Variants in LARP1B observed in about 807,000 individuals in gnomAD.
The protein encoded by LARP1B is la-related protein 1B.
LARP1B carries 76 observed loss-of-function variants against 114.2 expected under a neutral mutation model. The ratio of observed to expected loss-of-function variants is 0.67; its 90% CI spans 0.55 to 0.81. LARP1B has a LOEUF of 0.81. Ranked by LOEUF, LARP1B falls within the 30% of genes least tolerant of loss-of-function variation. LARP1B has a pLI of 0.00. For missense variants in LARP1B, 1,014 were observed against 1,075.8 expected (o/e 0.94, Z 0.80); for synonymous variants, 345 against 348.0 (o/e 0.99, Z 0.10).
chr4:128,157,524 A>C (rs1228485381), intron 11 of LARP1B, among the ~76,000 whole-genome samples: 1 of 152,174 alleles, frequency 6.6e-6, no homozygotes, highest in Non-Finnish European at 1.5e-5. Context: ...AAGAAGATAA[A>C]TACAGAGAAA....
intron 17 of LARP1B, among the ~76,000 whole-genome samples, chr4:128,201,829 G>A (rs186090063): frequency 6.0e-4 from 92 of 152,220 alleles, no homozygotes; most frequent in Admixed American, 2.7e-3. Flanking sequence ...AACAAGAGAT[G>A]GAGAGAAGGG....
intron 11 of LARP1B, chr4:128,155,629 GGA>G: frequency 1.5e-6 from 2 of 1,339,442 alleles, no homozygotes; most frequent in Non-Finnish European, 2.1e-6. Flanking sequence ...ACCCCAGCCA[GGA>G]GCCATCCGGG....
At chr4:128,098,044 G>T in intron 7 of LARP1B, 142 bp from the exon 8 acceptor site, 1 of 581,276 alleles carries the variant, frequency 1.7e-6, no homozygotes. Context: ...TACCCTATCT[G>T]TGTTGTATTA....
At chr4:128,108,009 A>G in intron 9 of LARP1B, 1 of 1,526,306 alleles carries the variant, frequency 6.6e-7, no homozygotes, top group Non-Finnish European at 8.7e-7. Flanking sequence ...AAGCGATCAG[A>G]CTGTCTTCTG....
chr4:128,106,101 G>A (rs928996020), intron 8 of LARP1B, among the ~76,000 whole-genome samples: 2 of 151,074 alleles, frequency 1.3e-5, no homozygotes, highest in African/African-American at 4.9e-5. Context: ...TCGGCTCACT[G>A]CAACCTCCAG....
At chr4:128,142,435 A>C (rs966109133) in intron 11 of LARP1B, among the ~76,000 whole-genome samples, 1 of 152,166 alleles carries the variant, frequency 6.6e-6, no homozygotes, top group East Asian at 1.9e-4. Flanking sequence ...AAACTGTGCC[A>C]TCAAAGTACA....
intron 11 of LARP1B, among the ~76,000 whole-genome samples, chr4:128,157,650 G>A (rs1295302742): frequency 6.6e-6 from 1 of 152,044 alleles, no homozygotes; most frequent in Non-Finnish European, 1.5e-5. Context: ...TGGAGGTGAG[G>A]GAACAAAGGG....
In LARP1B at chr4:128,135,065, G is replaced by C. The variant is rs1016669470; in HGVS notation, c.1524+12877G>C. On this transcript the variant is annotated intron_variant, in intron 11 of 19. Coordinates refer to ENST00000326639, the MANE Select transcript of LARP1B (RefSeq NM_018078.4). Reference sequence around the variant, plus strand: ...TGTGGTGAGCTGAGATCGCACCACTGCACTCTAGCCTGGGTGACTGAGACT... The same window carrying C: ...TGTGGTGAGCTGAGATCGCACCACTCCACTCTAGCCTGGGTGACTGAGACT... 3.3e-5 allele frequency among the ~76,000 whole-genome samples: 5 copies of C among 151,736 alleles called. No individual in the cohort carries two copies. The East Asian group carries it at 9.7e-4, about 29-fold the overall frequency.
intron 15 of LARP1B, among the ~76,000 whole-genome samples, chr4:128,191,802 C>T (rs531781153): frequency 1.1e-4 from 16 of 152,118 alleles, no homozygotes; most frequent in Admixed American, 9.2e-4. Context: ...TGGGTTGAGG[C>T]AGGAACAGTT....
intron 17 of LARP1B, among the ~76,000 whole-genome samples, chr4:128,201,731 A>G (rs2150902367): frequency 6.6e-6 from 1 of 152,292 alleles, no homozygotes; most frequent in South Asian, 2.1e-4. Flanking sequence ...GAGTGCCTGT[A>G]GGGCTGAGTG....
intron 9 of LARP1B, among the ~76,000 whole-genome samples, chr4:128,112,916 A>G (rs564372889): frequency 1.3e-5 from 2 of 152,274 alleles, no homozygotes; most frequent in South Asian, 4.1e-4. Context: ...AAGCTATCTG[A>G]TTTTACTCTC....
chr4:128,132,279 C>CT (rs1791798964), intron 11 of LARP1B, among the ~76,000 whole-genome samples: 1 of 152,104 alleles, frequency 6.6e-6, no homozygotes, highest in Non-Finnish European at 1.5e-5. Flanking sequence ...GAGTCTTACT[C>CT]TGTCGCCCTG....
At chr4:128,061,816 A>G (rs1218367739) in intron 1 of LARP1B, 1 of 984,576 alleles carries the variant, frequency 1.0e-6, no homozygotes, top group Non-Finnish European at 1.2e-6. Context: ...CCCCGCCCGA[A>G]TGTGAGGGCA....
chr4:128,176,301 AT>A (rs1306057256), intron 12 of LARP1B, among the ~76,000 whole-genome samples: 130 of 103,906 alleles, frequency 1.3e-3, no homozygotes, highest in Admixed American at 2.8e-3. Flanking sequence ...ATATATATAT[AT>A]TTTTTTTTTA....
intron 15 of LARP1B, among the ~76,000 whole-genome samples, chr4:128,197,453 T>C (rs1578634584): frequency 6.6e-6 from 1 of 152,304 alleles, no homozygotes; most frequent in East Asian, 1.9e-4. Flanking sequence ...CCCAGCACTT[T>C]GGGAGGCCGA....
At chr4:128,113,724 T>G (rs1475455353) in intron 9 of LARP1B, among the ~76,000 whole-genome samples, 1 of 152,112 alleles carries the variant, frequency 6.6e-6, no homozygotes, top group Non-Finnish European at 1.5e-5. Flanking sequence ...CCAACAATTT[T>G]TAAATGCTTT....
intron 12 of LARP1B, among the ~76,000 whole-genome samples, chr4:128,176,192 AT>A (rs1226788534): frequency 7.0e-6 from 1 of 143,032 alleles, no homozygotes; most frequent in African/African-American, 2.5e-5. Flanking sequence ...ATATAAATAT[AT>A]TTTTATATAT....
intron 12 of LARP1B, among the ~76,000 whole-genome samples, chr4:128,172,967 G>GTA (rs1381294923): frequency 6.6e-6 from 1 of 151,566 alleles, no homozygotes; most frequent in Non-Finnish European, 1.5e-5. Flanking sequence ...GTGTGTGTGT[G>GTA]TGTGTATGTG....
chr4:128,153,425 T>G (rs1372583532), intron 11 of LARP1B, among the ~76,000 whole-genome samples: 1 of 151,852 alleles, frequency 6.6e-6, no homozygotes, highest in Non-Finnish European at 1.5e-5. Context: ...CAAGCGATTC[T>G]TCTGCCTCAG....
Sources: allele counts gnomAD v4.1 joint callset (sites outside exome capture counted in the v4.1 genomes callset), GRCh38; gene constraint gnomAD v4.1.1; transcripts MANE v1.5; gene names NCBI Gene and HGNC (gene_info 2026-07-23, HGNC 2026-07-21).